PTK2: variants seen among roughly 807,000 people sequenced by gnomAD.
PTK2 encodes focal adhesion kinase 1.
In PTK2, 45 loss-of-function variants were observed where a neutral mutation model predicts 150.1. The ratio of observed to expected loss-of-function variants is 0.30; its 90% confidence interval spans 0.24 to 0.38. The LOEUF is 0.38. Ranked by LOEUF, PTK2 falls within the 10% of genes least tolerant of loss-of-function variation. The pLI is 1.00. For missense variants in PTK2, 919 were observed against 1,307.3 expected, an observed-to-expected ratio of 0.70 and a Z score of 4.58; for synonymous variants, 432 against 449.2, an observed-to-expected ratio of 0.96 and a Z score of 0.48.
In PTK2 at chr8:140,933,996, C is replaced by CAA. The variant is rs59603876; in HGVS notation, c.-121-8249_-121-8248dup. Among the ~76,000 whole-genome samples, 56 of 149,668 alleles carry CAA rather than the reference C, an allele frequency of 3.7e-4. 1 individual carries two copies. The highest frequency in any genetic ancestry group is 3.7e-3 in the East Asian group (19 of 5,116). On this transcript the variant is annotated intron_variant, in intron 1 of 31. Transcript: ENST00000522684. ...AAATAAATGACATAGAGCTAAAGGA[C>CAA]AAAAAAAAATACCTTTAACAAATAA...
At chr8:140,794,034 C>A (rs2100090139) in intron 12 of PTK2, among the ~76,000 whole-genome samples, 1 of 152,186 alleles carries the variant, frequency 6.6e-6, no homozygotes. Context: ...CGCTTTCTTT[C>A]CCTCAGCCTT....
intron 7 of PTK2, among the ~76,000 whole-genome samples, chr8:140,834,650 T>TC (rs1350799454): frequency 6.6e-6 from 1 of 152,212 alleles, no homozygotes. Flanking sequence ...CTAATATGTT[T>TC]CCTTTTCTTA....
At chr8:140,768,237 T>C (rs544373334) in intron 14 of PTK2, among the ~76,000 whole-genome samples, 1 of 152,292 alleles carries the variant, frequency 6.6e-6, no homozygotes, top group South Asian at 2.1e-4. Flanking sequence ...CAAAAACAGG[T>C]GGGCCATATT....
rs529978710 is a variant in PTK2, at chr8:140,869,205, A to G, written c.363-4806T>C. Among the ~76,000 whole-genome samples the G allele has an allele frequency of 5.9e-5, 9 of 151,502 alleles. No individual in the cohort carries two copies. In the East Asian group the frequency reaches 1.6e-3, roughly 26 times the overall value. ...TTGTACAGCCACAGACCCACTTGAA[A>G]CTAATTTTAAAGCGCCTGATATCTT... On this transcript the variant is annotated intron_variant, in intron 4 of 31. Transcript: ENST00000522684.
intron 2 of PTK2, among the ~76,000 whole-genome samples, chr8:140,920,047 C>G (rs11778436): frequency 0.42 from 63,368 of 151,846 alleles, 15,143 homozygotes; most frequent in Non-Finnish European, 0.55. Flanking sequence ...CAGCTTCCTC[C>G]TTTTAAAAAT....
At chr8:140,978,060 A>G (rs956911912) in intron 1 of PTK2, among the ~76,000 whole-genome samples, 5 of 152,250 alleles carry the variant, frequency 3.3e-5, no homozygotes, top group Admixed American at 2.6e-4. Context: ...AGCCATATGT[A>G]GAAAGCTGAA....
intron 17 of PTK2, among the ~76,000 whole-genome samples, chr8:140,749,715 C>T (rs964062733): frequency 1.3e-5 from 2 of 152,172 alleles, no homozygotes; most frequent in African/African-American, 2.4e-5. Context: ...AAAAGTTTAA[C>T]AATTCCTGAT....
intron 16 of PTK2, among the ~76,000 whole-genome samples, chr8:140,754,932 T>C (rs1309066316): frequency 5.3e-5 from 8 of 152,180 alleles, no homozygotes; most frequent in Non-Finnish European, 8.8e-5. Flanking sequence ...TAATTGGTAA[T>C]TACTCAAAAT....
At chr8:140,717,942 AAGAC>A in intron 22 of PTK2, 1 of 395,794 alleles carries the variant, frequency 2.5e-6, no homozygotes, top group Non-Finnish European at 4.7e-6. Flanking sequence ...AGGTAAGAAA[AAGAC>A]AGCTGGTAAG....
In PTK2 at chr8:141,000,576, C is replaced by A. The variant is rs555300443; in HGVS notation, c.-122+549G>T. On this transcript the variant is annotated intron_variant, in intron 1 of 31. Coordinates refer to ENST00000522684, the Ensembl canonical transcript of PTK2. ...CCGGCGGAGGCCGGCCCGTCCTCCC[C>A]GCGCCTCTGTCCGCCCTGCGCGCCC... is the stretch of plus-strand genomic sequence containing the variant. Among the ~76,000 whole-genome samples, 25 of 152,250 alleles carry A rather than the reference C, an allele frequency of 1.6e-4. No homozygotes were observed. In the South Asian group the frequency reaches 5.2e-3, roughly 32 times the overall value.
intron 1 of PTK2, among the ~76,000 whole-genome samples, chr8:140,946,805 T>C (rs12677559): frequency 0.42 from 63,793 of 152,000 alleles, 14,142 homozygotes; most frequent in South Asian, 0.55. Context: ...CCCTACACTA[T>C]ACAGACTCTG....
At chr8:140,840,548 G>A (rs1479491957) in intron 7 of PTK2, among the ~76,000 whole-genome samples, 1 of 152,028 alleles carries the variant, frequency 6.6e-6, no homozygotes. Flanking sequence ...TTTAAGAGAG[G>A]GTTAGATAAG....
At chr8:140,694,003 A>G (rs2100024822) in intron 26 of PTK2, among the ~76,000 whole-genome samples, 1 of 151,800 alleles carries the variant, frequency 6.6e-6, no homozygotes. Context: ...GTTTATGAAG[A>G]TGAAAACAGA....
chr8:140,669,896 ACTGTTGC>A, intron 29 of PTK2, 161 bp from the exon 33 acceptor site: 1 of 786,744 alleles, frequency 1.3e-6, no homozygotes, highest in Non-Finnish European at 2.0e-6. Flanking sequence ...GCTCTCACTC[ACTGTTGC>A]CAGGGTGTGG....
chr8:140,797,539 T>C (rs2100092447), intron 12 of PTK2, among the ~76,000 whole-genome samples: 1 of 152,190 alleles, frequency 6.6e-6, no homozygotes, highest in Admixed American at 6.5e-5. Flanking sequence ...TCCCTTGAAA[T>C]GCACAGTATT....
chr8:140,829,180 T>G (rs117442251), intron 8 of PTK2, among the ~76,000 whole-genome samples: 8 of 152,236 alleles, frequency 5.3e-5, no homozygotes, highest in African/African-American at 1.9e-4. Flanking sequence ...TATTCTTAAA[T>G]GCACGTCTTA....
chr8:140,711,393 C>A (rs1026444822), intron 23 of PTK2, among the ~76,000 whole-genome samples: 10 of 152,226 alleles, frequency 6.6e-5, no homozygotes, highest in Admixed American at 5.9e-4. Context: ...AGGCGTGAGC[C>A]ACCATGCCCG....
In PTK2 at chr8:140,669,745, A is replaced by C; in HGVS notation, c.2710-1321T>G. 6.5e-7 allele frequency: 1 copy of C among 1,533,754 alleles called. No homozygotes were observed. The highest frequency in any genetic ancestry group is 8.7e-7 in the Non-Finnish European group (1 of 1,144,890). On this transcript the variant is annotated intron_variant, in intron 29 of 31. Transcript: ENST00000522684. ...TGCTTACCCTCCATGGCTATTGTCG[A>C]ACGGAAGGTGAGGAAAAGTTAAAGG...
chr8:140,943,042 C>G (rs2154608896), intron 1 of PTK2, among the ~76,000 whole-genome samples: 1 of 152,258 alleles, frequency 6.6e-6, no homozygotes, highest in African/African-American at 2.4e-5. Flanking sequence ...CCGACGCCTC[C>G]CTGGAAGCCG....
Sources: allele counts gnomAD v4.1 joint callset (sites outside exome capture counted in the v4.1 genomes callset), GRCh38; gene constraint gnomAD v4.1.1; transcripts MANE v1.5; gene names NCBI Gene and HGNC (gene_info 2026-07-23, HGNC 2026-07-21).